Variants in SLC10A7 observed in about 807,000 individuals in gnomAD.
The protein encoded by SLC10A7 is sodium/bile acid cotransporter 7.
Under a neutral mutation model 43.2 loss-of-function variants are expected in SLC10A7, and 29 were observed. The ratio of observed to expected loss-of-function variants is 0.67; its 90% CI spans 0.50 to 0.92. SLC10A7 has a LOEUF of 0.92. Ranked by LOEUF, SLC10A7 falls within the 40% of genes least tolerant of loss-of-function variation. SLC10A7 has a pLI of 0.00. For synonymous variants in SLC10A7, 152 were observed against 144.8 expected (o/e 1.05, Z -0.35); for missense variants, 295 against 403.2 (o/e 0.73, Z 2.30).
At chr4:146,369,670 A>C (rs1308559530) in intron 5 of SLC10A7, among the ~76,000 whole-genome samples, 1 of 152,194 alleles carries the variant, frequency 6.6e-6, no homozygotes, top group Non-Finnish European at 1.5e-5. Context: ...AAAATGAGTA[A>C]TGTTAGAGGC....
chr4:146,388,948 G>A (rs1738215278), intron 5 of SLC10A7, among the ~76,000 whole-genome samples: 1 of 152,100 alleles, frequency 6.6e-6, no homozygotes, highest in Admixed American at 6.5e-5. Context: ...AGAGCAAATA[G>A]ATAATGTACA....
intron 5 of SLC10A7, among the ~76,000 whole-genome samples, chr4:146,418,916 T>C (rs1429790488): frequency 6.6e-6 from 1 of 152,180 alleles, no homozygotes; most frequent in Non-Finnish European, 1.5e-5. Flanking sequence ...TCATGTTTGA[T>C]TAATTTGCTA....
chr4:146,363,762 A>G (rs1736211125), intron 5 of SLC10A7, among the ~76,000 whole-genome samples: 1 of 152,204 alleles, frequency 6.6e-6, no homozygotes, highest in Non-Finnish European at 1.5e-5. Flanking sequence ...CACTGGGTCA[A>G]TGAAGAAATT....
rs181079720 is a variant in SLC10A7, at chr4:146,375,285, T to C, written c.436-49289A>G. 7.2e-5 allele frequency among the ~76,000 whole-genome samples: 11 copies of C among 152,234 alleles called. No individual in the cohort carries two copies. The East Asian group carries it at 1.4e-3, about 19-fold the overall frequency. On this transcript the variant is annotated intron_variant, in intron 5 of 11. Coordinates refer to ENST00000335472, the MANE Select transcript of SLC10A7 (RefSeq NM_001029998.6). ...GTATGAATAGACAGGAGCTTAATAA[T>C]GAAAGACTGATTTTAGGAAAAACAT...
At chr4:146,463,785 G>A (rs575746331) in intron 4 of SLC10A7, among the ~76,000 whole-genome samples, 1 of 150,256 alleles carries the variant, frequency 6.7e-6, no homozygotes, top group African/African-American at 2.4e-5. Flanking sequence ...AAAAGATTTA[G>A]CTAAAAAGAT....
intron 5 of SLC10A7, among the ~76,000 whole-genome samples, chr4:146,361,519 C>T (rs1736047351): frequency 6.6e-6 from 1 of 152,054 alleles, no homozygotes; most frequent in South Asian, 2.1e-4. Flanking sequence ...TATTGCTGGG[C>T]TTATGGCACC....
chr4:146,273,894 C>T (rs1032970234), intron 10 of SLC10A7, among the ~76,000 whole-genome samples: 2 of 152,086 alleles, frequency 1.3e-5, no homozygotes, highest in African/African-American at 4.8e-5. Flanking sequence ...ATTTGGTCTA[C>T]TGCCCCTTTC....
At chr4:146,488,009 G>A (rs1735065895) in intron 4 of SLC10A7, among the ~76,000 whole-genome samples, 1 of 151,882 alleles carries the variant, frequency 6.6e-6, no homozygotes, top group African/African-American at 2.4e-5. Flanking sequence ...AAATATAGTG[G>A]AACTCTGTCT....
intron 5 of SLC10A7, among the ~76,000 whole-genome samples, chr4:146,411,045 A>T (rs1163888442): frequency 6.6e-6 from 1 of 152,108 alleles, no homozygotes; most frequent in Non-Finnish European, 1.5e-5. Context: ...CATTTTGGCC[A>T]GGCTGGTTTC....
intron 4 of SLC10A7, among the ~76,000 whole-genome samples, chr4:146,488,762 G>C (rs961797495): frequency 3.3e-5 from 5 of 152,284 alleles, no homozygotes; most frequent in African/African-American, 9.6e-5. Context: ...GTGAATAATT[G>C]AGAGAAGCAA....
intron 5 of SLC10A7, among the ~76,000 whole-genome samples, chr4:146,358,467 T>A (rs1490038247): frequency 6.6e-6 from 1 of 152,166 alleles, no homozygotes; most frequent in Non-Finnish European, 1.5e-5. Context: ...TGGGTAACCA[T>A]CACCCAAATC....
chr4:146,308,395 T>G (rs1308586932), intron 6 of SLC10A7, among the ~76,000 whole-genome samples: 1 of 152,118 alleles, frequency 6.6e-6, no homozygotes, highest in Non-Finnish European at 1.5e-5. Context: ...TGCTATGAAG[T>G]ATGCCCTGGC....
chr4:146,362,655 C>A (rs1399416422), intron 5 of SLC10A7, among the ~76,000 whole-genome samples: 1 of 135,408 alleles, frequency 7.4e-6, no homozygotes, highest in African/African-American at 2.5e-5. Flanking sequence ...ATAATAACTA[C>A]AACAATTTGA....
chr4:146,414,567 T>A (rs1332476221), intron 5 of SLC10A7, among the ~76,000 whole-genome samples: 1 of 151,816 alleles, frequency 6.6e-6, no homozygotes, highest in Non-Finnish European at 1.5e-5. Flanking sequence ...CTACCAAAAA[T>A]ACAAAAATTA....
intron 4 of SLC10A7, among the ~76,000 whole-genome samples, chr4:146,491,785 C>G (rs1192413769): frequency 1.3e-5 from 2 of 152,028 alleles, no homozygotes; most frequent in African/African-American, 2.4e-5. Flanking sequence ...AGGCCAGTAT[C>G]TTGGCACTAG....
At chr4:146,384,746 C>T (rs887871255) in intron 5 of SLC10A7, among the ~76,000 whole-genome samples, 13 of 151,882 alleles carry the variant, frequency 8.6e-5, no homozygotes, top group Non-Finnish European at 1.6e-4. Context: ...AATATAATCC[C>T]CAATGTTGGA....
At chr4:146,491,359 T>A (rs987401657) in intron 4 of SLC10A7, among the ~76,000 whole-genome samples, 3 of 152,148 alleles carry the variant, frequency 2.0e-5, no homozygotes, top group African/African-American at 7.2e-5. Flanking sequence ...GCCAAAAAGT[T>A]TGTCCAGAGA....
intron 5 of SLC10A7, among the ~76,000 whole-genome samples, chr4:146,338,719 C>T (rs1211137022): frequency 6.6e-6 from 1 of 151,934 alleles, no homozygotes; most frequent in East Asian, 1.9e-4. Flanking sequence ...TGATACCACA[C>T]TGCCTCCTAC....
intron 4 of SLC10A7, 102 bp downstream of exon 4, chr4:146,503,747 G>A: frequency 9.5e-7 from 1 of 1,052,452 alleles, no homozygotes; most frequent in Non-Finnish European, 1.5e-6. Flanking sequence ...ATGGCTAGGA[G>A]TTTTCTGCAA....
Sources: gnomAD v4.1 joint callset for allele counts (sites outside exome capture counted in the v4.1 genomes callset) on GRCh38, gnomAD v4.1.1 for gene constraint, MANE v1.5 for transcripts, NCBI Gene and HGNC (gene_info 2026-07-23, HGNC 2026-07-21) for gene names.